SPATA13: variants seen among roughly 807,000 people sequenced by gnomAD.
SPATA13 encodes the protein spermatogenesis associated 13, also known as spermatogenesis-associated protein 13.
Under a neutral mutation model 104.0 loss-of-function variants are expected in SPATA13, and 50 were observed. That is an observed-to-expected ratio of 0.48 (90% CI 0.38 to 0.61). The LOEUF (loss-of-function observed/expected upper bound fraction) is 0.61. Among genes scored for constraint, SPATA13 ranks in the 20% least tolerant of loss-of-function variants. The probability of loss-of-function intolerance (pLI) is 0.00; values close to 1 mark genes in which losing one functional copy is unlikely to be tolerated. For synonymous variants in SPATA13, 606 were observed against 667.5 expected (o/e 0.91, Z 1.42); for missense variants, 1,524 against 1,690.6 (o/e 0.90, Z 1.73).
chr13:24,197,685 A>G (rs2760364), intron 1 of SPATA13, among the ~76,000 whole-genome samples: 63,382 of 152,038 alleles, frequency 0.42, 13,476 homozygotes, highest in Admixed American at 0.5. Flanking sequence ...AGAGAATGAA[A>G]TCAGTTAGAC....
chr13:24,123,341 C>T, intron 3 of SPATA13: 1 of 1,353,490 alleles, frequency 7.4e-7, no homozygotes, highest in Non-Finnish European at 1.1e-6. Context: ...TTTCGAACTT[C>T]ACTTCACAGA....
rs1871792134 is a variant in SPATA13 at position 24,224,196 on chromosome 13, G to A, written c.1267G>A (p.Asp423Asn). 3 of 1,551,716 alleles carry A rather than the reference G, an allele frequency of 1.9e-6. No homozygotes were observed. Among genetic ancestry groups the A allele is most frequent in the East Asian group, 2.4e-5 (1 of 40,910 alleles). ...CAAAAGTTCCTGGGCGGTGGAAAGC[G>A]ACAGTTCCTGCACTTGCAGCTCTTT... ...ETKSSWAVES[D>N]SSCTCSSLPS... The change falls in exon 2 of 13, where the codon GAC becomes AAC. Residue 423 changes from aspartate (D) to asparagine (N), a missense_variant. This residue lies in a region of SPATA13 where 1,089 missense variants were observed against 1,135.9 expected (regional missense o/e 0.96). Transcript: ENST00000382108.
chr13:24,226,018 T>C (rs1871914239), intron 2 of SPATA13, among the ~76,000 whole-genome samples: 1 of 152,200 alleles, frequency 6.6e-6, no homozygotes, highest in Admixed American at 6.5e-5. Flanking sequence ...ACCTGGAATG[T>C]GTTGCTCCTC....
intron 2 of SPATA13, among the ~76,000 whole-genome samples, chr13:24,245,429 T>G (rs756710711): frequency 3.3e-5 from 5 of 152,196 alleles, no homozygotes; most frequent in African/African-American, 4.8e-5. Flanking sequence ...TTTGTACTTT[T>G]GCTGGGAGTA....
chr13:24,221,081 C>G lies in SPATA13; in HGVS notation c.-111-1738C>G, dbSNP rs894182969. Among the ~76,000 whole-genome samples the G allele has an allele frequency of 3.4e-4, 52 of 152,154 alleles. 1 individual carries two copies. Among genetic ancestry groups the G allele is most frequent in the Non-Finnish European group, 1.9e-4 (13 of 68,032 alleles). On this transcript the variant is annotated intron_variant, in intron 1 of 12. Transcript: ENST00000382108. ...TTATTTACAGTCAGGGTCGTGAGGCCCAGGAATTGGAGTCAGATGCCTGGG... is the reference window on the plus strand; with the variant it reads ...TTATTTACAGTCAGGGTCGTGAGGCGCAGGAATTGGAGTCAGATGCCTGGG...
chr13:24,128,240 C>A (rs1486123392), intron 3 of SPATA13, among the ~76,000 whole-genome samples: 2 of 152,042 alleles, frequency 1.3e-5, no homozygotes, highest in Admixed American at 1.3e-4. Flanking sequence ...GCCAGTTGGA[C>A]ATTGTCCTTG....
intron 4 of SPATA13, among the ~76,000 whole-genome samples, chr13:24,278,037 T>C (rs895061609): frequency 6.6e-6 from 1 of 152,110 alleles, no homozygotes; most frequent in Non-Finnish European, 1.5e-5. Flanking sequence ...GAAAATGGAA[T>C]CAGGTCCTTG....
chr13:24,037,192 G>C (rs1320776995), intron 3 of SPATA13, among the ~76,000 whole-genome samples: 3 of 128,922 alleles, frequency 2.3e-5, no homozygotes, highest in African/African-American at 8.9e-5. Context: ...ATCACACATC[G>C]GGGCCTGTCA....
At chr13:24,179,712 G>A (rs1868681580) in intron 1 of SPATA13, among the ~76,000 whole-genome samples, 1 of 152,276 alleles carries the variant, frequency 6.6e-6, no homozygotes, top group East Asian at 1.9e-4. Flanking sequence ...CTTAACTAAT[G>A]TGTCTGAAGT....
At chr13:24,159,028 C>G (rs1322462511), upstream of SPATA13, among the ~76,000 whole-genome samples, 1 of 152,142 alleles carries the variant, frequency 6.6e-6, no homozygotes, top group Non-Finnish European at 1.5e-5. Flanking sequence ...GCAGAAATAA[C>G]CTTTTGAAAC....
chr13:24,176,396 C>T (rs1356945258), intron 1 of SPATA13, among the ~76,000 whole-genome samples: 1 of 152,184 alleles, frequency 6.6e-6, no homozygotes, highest in African/African-American at 2.4e-5. Context: ...TGGTCTATTA[C>T]TTTTCATGTA....
chr13:23,981,026 C>T (rs946331331), intron 1 of SPATA13, among the ~76,000 whole-genome samples: 6 of 152,178 alleles, frequency 3.9e-5, no homozygotes, highest in Admixed American at 3.9e-4. Context: ...TGTTCCTCAG[C>T]TTTTCAAACA....
At position 24,254,169 on chromosome 13, in the gene SPATA13, G is replaced by A. The variant is rs571230775; in HGVS notation, c.2164+2307G>A. 9.3e-5 allele frequency among the ~76,000 whole-genome samples: 14 copies of A among 150,482 alleles called. No homozygotes were observed. The South Asian group carries it at 1.9e-3, about 20-fold the overall frequency. On this transcript the variant is annotated intron_variant, in intron 4 of 12. Transcript: ENST00000382108. ...CCCAGTGGTACGAAGAGGCAAAAAT[G>A]GCCAGCCTTGGTTCTGATTCACTGT...
intron 2 of SPATA13, among the ~76,000 whole-genome samples, chr13:24,013,303 A>G (rs1421429632): frequency 1.3e-5 from 2 of 152,096 alleles, no homozygotes; most frequent in Non-Finnish European, 2.9e-5. Context: ...CTTCCACAGC[A>G]TTGCATGCCC....
chr13:24,137,428 C>T (rs1053679162), intron 3 of SPATA13, among the ~76,000 whole-genome samples: 2 of 152,180 alleles, frequency 1.3e-5, no homozygotes, highest in African/African-American at 2.4e-5. Context: ...ACTAAAAATA[C>T]TTACAACCTT....
rs112552073 is a variant in SPATA13, at chr13:24,155,144, G to A, written c.-111-67675G>A. 6.1e-3 allele frequency among the ~76,000 whole-genome samples: 934 copies of A among 152,236 alleles called. 9 individuals carry two copies. The highest frequency in any genetic ancestry group is 0.021 in the African/African-American group (878 of 41,544). ...ATTACAGGCGTGAGCCACCTTGCCC[G>A]GTTGGTTATTATTATTTCTATATTA... On this transcript the variant is annotated intron_variant, in intron 3 of 14. Coordinates refer to the SPATA13 transcript ENST00000424834.
chr13:24,221,806 A>ATTTTTT (rs35282665), intron 1 of SPATA13, among the ~76,000 whole-genome samples: 1 of 122,444 alleles, frequency 8.2e-6, no homozygotes, highest in Non-Finnish European at 1.7e-5. Context: ...TTACCTCTGA[A>ATTTTTT]TTTTTTTTTT....
chr13:24,116,112 A>G (rs1880826669), intron 3 of SPATA13, among the ~76,000 whole-genome samples: 1 of 152,238 alleles, frequency 6.6e-6, no homozygotes, highest in East Asian at 1.9e-4. Flanking sequence ...CTATGACAGA[A>G]CACCATGAAC....
chr13:24,025,616 T>A (rs932050712), intron 3 of SPATA13, among the ~76,000 whole-genome samples: 1 of 152,230 alleles, frequency 6.6e-6, no homozygotes, highest in Non-Finnish European at 1.5e-5. Flanking sequence ...CTCTAAATCC[T>A]TACTAAAATC....
Sources: allele counts gnomAD v4.1 joint callset (sites outside exome capture counted in the v4.1 genomes callset), GRCh38; gene constraint gnomAD v4.1.1; regional missense constraint gnomAD v4.1.1; transcripts MANE v1.5; gene names NCBI Gene and HGNC (gene_info 2026-07-23, HGNC 2026-07-21).